The following CEP63 variants were observed in gnomAD, a reference collection of about 807,000 sequenced individuals.
The protein encoded by CEP63 is centrosomal protein of 63 kDa.
A neutral mutation model predicts 89.1 loss-of-function variants in CEP63; 84 were observed. That is an observed-to-expected ratio of 0.94 (90% CI 0.79 to 1.13). CEP63 has a LOEUF of 1.13. Among genes scored for constraint, CEP63 ranks in the 50% most tolerant of loss-of-function variants. The pLI is 0.00. For missense variants in CEP63, 838 were observed against 813.3 expected (o/e 1.03, Z -0.37); for synonymous variants, 267 against 272.5 (o/e 0.98, Z 0.20).
chr3:134,609,196 G>A, the CEP63 span, among the ~76,000 whole-genome samples: 744 of 152,316 alleles, frequency 4.9e-3, 7 homozygotes, highest in Middle Eastern at 0.034. Context: ...GGGAGACAGA[G>A]TGCTTGAATT....
chr3:134,490,957 G>A (rs1937413777), intron 1 of CEP63, among the ~76,000 whole-genome samples: 1 of 152,172 alleles, frequency 6.6e-6, no homozygotes, highest in African/African-American at 2.4e-5. Context: ...ATTGGTGGAT[G>A]AATATTTAAT....
chr3:134,490,666 A>G (rs1372456509), intron 1 of CEP63, among the ~76,000 whole-genome samples: 1 of 152,112 alleles, frequency 6.6e-6, no homozygotes, highest in Non-Finnish European at 1.5e-5. Context: ...ACAAGTACCC[A>G]TAAAACAATT....
chr3:134,651,155 G>C, the CEP63 span: 2 of 1,446,250 alleles, frequency 1.4e-6, no homozygotes, highest in Non-Finnish European at 1.8e-6. Flanking sequence ...CGCCTGGGAG[G>C]GCGCTACCCT....
chr3:134,680,775 A>G, the CEP63 span, among the ~76,000 whole-genome samples: 3 of 152,240 alleles, frequency 2.0e-5, no homozygotes, highest in South Asian at 6.2e-4. Flanking sequence ...GAGAGCTCAA[A>G]GAGATCTGAA....
chr3:134,571,452 C>A (rs1958006298), intron 11 of CEP63, among the ~76,000 whole-genome samples: 2 of 152,302 alleles, frequency 1.3e-5, no homozygotes, highest in South Asian at 4.1e-4. Context: ...GAGACCGAGG[C>A]AGGTGGATCA....
chr3:134,766,032 A>G, the CEP63 span, among the ~76,000 whole-genome samples: 1 of 152,312 alleles, frequency 6.6e-6, no homozygotes, highest in Non-Finnish European at 1.5e-5. Flanking sequence ...ACTCCTCATG[A>G]TTTCCAAATA....
Position 134,584,955 on chromosome 3 carries a change from G to GGTTTTTTTTTTT in CEP63, c.1207-2502_1207-2491dup, listed in dbSNP as rs1450512268. Reference sequence around the variant, plus strand: ...TATCCATTTCTTCTAGATTTTCTAGGGTTTTTTTTTTTTTTTTTTGCATGG... The same window carrying GGTTTTTTTTTTT: ...TATCCATTTCTTCTAGATTTTCTAGGGTTTTTTTTTTTGTTTTTTTTTTTTTTTTTTGCATGG... On this transcript the variant is annotated intron_variant, in intron 10 of 10. Transcript: ENST00000683931. 3.3e-3 allele frequency among the ~76,000 whole-genome samples: 71 copies of GGTTTTTTTTTTT among 21,734 alleles called. 2 individuals carry two copies. The highest frequency in any genetic ancestry group is 0.013 in the African/African-American group (70 of 5,270). 14.3% of individuals were successfully genotyped at this position (21,734 alleles called of 152,430 possible).
At chr3:134,735,832 A>G in the CEP63 span, among the ~76,000 whole-genome samples, 1 of 152,180 alleles carries the variant, frequency 6.6e-6, no homozygotes, top group African/African-American at 2.4e-5. Context: ...GTGATTTTAT[A>G]GCAAGTCTGT....
the CEP63 span, among the ~76,000 whole-genome samples, chr3:134,666,704 T>G: frequency 6.6e-6 from 1 of 152,180 alleles, no homozygotes; most frequent in Non-Finnish European, 1.5e-5. Flanking sequence ...TCTGCACTGT[T>G]GGAGGAGTCT....
At chr3:134,488,615 C>CA (rs918533167) in intron 1 of CEP63, among the ~76,000 whole-genome samples, 18 of 151,312 alleles carry the variant, frequency 1.2e-4, no homozygotes, top group African/African-American at 2.9e-4. Flanking sequence ...TCTCAAAAAA[C>CA]AAAAAAAAGT....
At chr3:134,726,818 G>A in the CEP63 span, among the ~76,000 whole-genome samples, 7 of 152,148 alleles carry the variant, frequency 4.6e-5, no homozygotes, top group East Asian at 7.7e-4. Flanking sequence ...AGATTCCTGC[G>A]GCTCCTGTTG....
At chr3:134,667,964 A>G in the CEP63 span, among the ~76,000 whole-genome samples, 4 of 152,224 alleles carry the variant, frequency 2.6e-5, no homozygotes, top group Non-Finnish European at 5.9e-5. Flanking sequence ...ACTTGATAAC[A>G]GGGAAACAAC....
the CEP63 span, among the ~76,000 whole-genome samples, chr3:134,658,498 T>G: frequency 6.6e-6 from 1 of 152,184 alleles, no homozygotes; most frequent in South Asian, 2.1e-4. Context: ...ATGGTCTTAC[T>G]CATTCCTGAA....
the CEP63 span, among the ~76,000 whole-genome samples, chr3:134,655,581 C>T: frequency 1.3e-5 from 2 of 152,302 alleles, no homozygotes; most frequent in African/African-American, 4.8e-5. Context: ...TAGCAGGGGA[C>T]ACCCAACCCT....
At chr3:134,541,596 A>T (rs1306622283) in intron 6 of CEP63, among the ~76,000 whole-genome samples, 1 of 149,530 alleles carries the variant, frequency 6.7e-6, no homozygotes, top group East Asian at 2.0e-4. Flanking sequence ...GCTCGCTGCA[A>T]CCTCCGCCTC....
At chr3:134,748,529 G>A in the CEP63 span, among the ~76,000 whole-genome samples, 23 of 152,032 alleles carry the variant, frequency 1.5e-4, no homozygotes, top group Admixed American at 6.5e-4. Flanking sequence ...ACTGAATGCC[G>A]CCCAGAAGAC....
chr3:134,489,603 A>G (rs540861842), intron 1 of CEP63, among the ~76,000 whole-genome samples: 1 of 152,294 alleles, frequency 6.6e-6, no homozygotes, highest in African/African-American at 2.4e-5. Flanking sequence ...CCGTTATTGC[A>G]TTAGAGGTTG....
At chr3:134,684,845 T>A in the CEP63 span, among the ~76,000 whole-genome samples, 4 of 152,304 alleles carry the variant, frequency 2.6e-5, no homozygotes, top group South Asian at 6.2e-4. Flanking sequence ...CTCATATCCC[T>A]CTCTGGACCC....
At chr3:134,730,767 A>G in the CEP63 span, among the ~76,000 whole-genome samples, 1 of 152,162 alleles carries the variant, frequency 6.6e-6, no homozygotes, top group African/African-American at 2.4e-5. Context: ...AAATTATTCT[A>G]TGTAAATATC....
Sources: gnomAD v4.1 joint callset for allele counts (sites outside exome capture counted in the v4.1 genomes callset) on GRCh38, gnomAD v4.1.1 for gene constraint, MANE v1.5 for transcripts, NCBI Gene and HGNC (gene_info 2026-07-23, HGNC 2026-07-21) for gene names.